SNX29: variants seen among roughly 807,000 people sequenced by gnomAD.
The protein encoded by SNX29 is sorting nexin 29, also known as sorting nexin-29.
In SNX29, 78 loss-of-function variants were observed where a neutral mutation model predicts 102.1. That is an observed-to-expected ratio of 0.76 (90% CI 0.64 to 0.92). The LOEUF (loss-of-function observed/expected upper bound fraction) is 0.92. Among genes scored for constraint, SNX29 ranks in the 40% least tolerant of loss-of-function variants. The pLI, the probability that SNX29 is intolerant of heterozygous loss-of-function variation, is 0.00. For synonymous variants in SNX29, 580 were observed against 414.5 expected (o/e 1.40, Z -4.85); for missense variants, 1,280 against 1,061.7 (o/e 1.21, Z -2.86).
chr16:12,507,752 G>C (rs2089441411), intron 19 of SNX29, among the ~76,000 whole-genome samples: 1 of 152,140 alleles, frequency 6.6e-6, no homozygotes, highest in Non-Finnish European at 1.5e-5. Context: ...CTCTGAAGTA[G>C]AACGTTAAAA....
chr16:12,499,264 G>A (rs2088987343), intron 19 of SNX29, among the ~76,000 whole-genome samples: 1 of 152,180 alleles, frequency 6.6e-6, no homozygotes, highest in African/African-American at 2.4e-5. Flanking sequence ...CATTGTTTTG[G>A]AGACTTTTGC....
In SNX29 at chr16:12,570,384, T is replaced by C; in HGVS notation, c.*1755T>C. On this transcript the variant is annotated 3_prime_UTR_variant, in exon 21 of 21. Transcript: ENST00000566228. ...TGCAATACACATGGTTTATCTGAAATTCCAAGGCCAGAGTGCACATCAGCT... is the reference window on the plus strand; with the variant it reads ...TGCAATACACATGGTTTATCTGAAACTCCAAGGCCAGAGTGCACATCAGCT... 2.5e-6 allele frequency: 1 copy of C among 399,916 alleles called. No individual in the cohort carries two copies. The highest frequency in any genetic ancestry group is 3.7e-6 in the Non-Finnish European group (1 of 270,480). The allele number at this position is 399,916 out of a possible 1,614,324, so 24.8% of individuals were successfully genotyped here.
intron 15 of SNX29, among the ~76,000 whole-genome samples, chr16:12,328,617 T>C (rs2081195277): frequency 6.6e-6 from 1 of 152,182 alleles, no homozygotes; most frequent in Non-Finnish European, 1.5e-5. Flanking sequence ...CTCGGTCAGC[T>C]CCACTGTCTT....
chr16:12,131,515 T>C (rs984741869), intron 13 of SNX29, among the ~76,000 whole-genome samples: 1 of 152,196 alleles, frequency 6.6e-6, no homozygotes, highest in Non-Finnish European at 1.5e-5. Flanking sequence ...CATTTTTATG[T>C]ACCTGGATGT....
At chr16:12,094,194 T>A (rs2052676063) in intron 11 of SNX29, among the ~76,000 whole-genome samples, 1 of 152,152 alleles carries the variant, frequency 6.6e-6, no homozygotes, top group African/African-American at 2.4e-5. Context: ...AGATGGAAGA[T>A]ACTCAGAAGA....
chr16:12,358,984 T>TAGA (rs2082224718), intron 16 of SNX29, among the ~76,000 whole-genome samples: 1 of 152,246 alleles, frequency 6.6e-6, no homozygotes, highest in South Asian at 2.1e-4. Context: ...TGTGTTTCTC[T>TAGA]GAGTTCTGTG....
At chr16:11,999,174 C>T (rs1017357658) in intron 1 of SNX29, 123 bp from the exon 2 acceptor site, 4 of 792,930 alleles carry the variant, frequency 5.0e-6, no homozygotes, top group Non-Finnish European at 8.1e-6. Context: ...TGTAATGATA[C>T]AGATTATTGA....
At chr16:12,202,885 G>A (rs1462077992) in intron 14 of SNX29, among the ~76,000 whole-genome samples, 1 of 152,262 alleles carries the variant, frequency 6.6e-6, no homozygotes, top group Non-Finnish European at 1.5e-5. Flanking sequence ...GGGTTGTGTG[G>A]ACAAGACTGG....
rs2076734099 is a variant in SNX29 at position 12,524,818 on chromosome 16, C to A, written c.2295C>A (p.Leu765=). ...EFAASPKKET[L]IQLMPFFVDI... ...CTGCCAGCCCCAAGAAGGAGACCCT[C>A]ATCCAGCTGATGCCCTTCTTCGTGT... The change falls in exon 20 of 21, where the codon CTC becomes CTA. Residue 765 remains leucine, a synonymous_variant. Transcript: ENST00000566228. 1.2e-6 allele frequency: 2 copies of A among 1,613,602 alleles called. No individual in the cohort carries two copies. The highest frequency in any genetic ancestry group is 1.7e-5 in the Admixed American group (1 of 59,960).
intron 15 of SNX29, among the ~76,000 whole-genome samples, chr16:12,293,884 C>T (rs974739522): frequency 1.7e-4 from 26 of 152,196 alleles, no homozygotes; most frequent in African/African-American, 6.3e-4. Flanking sequence ...AGGCATATTC[C>T]TAAGCACTTT....
chr16:12,005,122 T>C (rs536126487), intron 3 of SNX29, among the ~76,000 whole-genome samples: 2 of 152,328 alleles, frequency 1.3e-5, no homozygotes, highest in Admixed American at 6.5e-5. Flanking sequence ...TTTTTAAAAT[T>C]TTACTTCTCA....
At chr16:12,567,598 T>C (rs1376736522) in intron 20 of SNX29, among the ~76,000 whole-genome samples, 1 of 151,900 alleles carries the variant, frequency 6.6e-6, no homozygotes, top group Non-Finnish European at 1.5e-5. Context: ...CAAGACCCCA[T>C]CTCTACAAAA....
chr16:12,142,957 G>A (rs2054917590), intron 13 of SNX29, among the ~76,000 whole-genome samples: 3 of 151,884 alleles, frequency 2.0e-5, no homozygotes, highest in Non-Finnish European at 4.4e-5. Context: ...ATTCTGTCCT[G>A]TGGGTGCTAG....
rs548316969 is a variant in SNX29, at chr16:12,221,840, G to C, written c.1678+22157G>C. On this transcript the variant is annotated intron_variant, in intron 14 of 20. Coordinates refer to ENST00000566228, the MANE Select transcript of SNX29 (RefSeq NM_032167.5). The stretch of plus-strand genomic sequence containing the variant: ...AAAATGCCCCAACTGCCTCTTCCCC[G>C]CATGATCCCGTGCTTCCTTGGGTGC... Among the ~76,000 whole-genome samples, 56 of 152,226 alleles carry C rather than the reference G, an allele frequency of 3.7e-4. 2 individuals are homozygous for C. The South Asian group carries it at 0.012, about 32-fold the overall frequency.
chr16:12,305,756 A>G (rs1334116153), intron 15 of SNX29, among the ~76,000 whole-genome samples: 1 of 152,134 alleles, frequency 6.6e-6, no homozygotes, highest in Non-Finnish European at 1.5e-5. Flanking sequence ...TCCTAATTAC[A>G]ATTTTTAATT....
At chr16:12,524,614 C>T (rs922716377) in intron 19 of SNX29, 88 bp from the exon 20 acceptor site, 6 of 1,465,106 alleles carry the variant, frequency 4.1e-6, no homozygotes, top group South Asian at 1.4e-5. Context: ...GCCTGGATGG[C>T]GCTGATGGGT....
chr16:12,319,441 C>T (rs1433342387), intron 15 of SNX29, among the ~76,000 whole-genome samples: 1 of 152,134 alleles, frequency 6.6e-6, no homozygotes. Context: ...CTATAATGAG[C>T]TATGATCACC....
chr16:12,113,422 C>T (rs907491422), intron 11 of SNX29, among the ~76,000 whole-genome samples: 1 of 152,148 alleles, frequency 6.6e-6, no homozygotes, highest in Admixed American at 6.5e-5. Context: ...GGTTATTTCT[C>T]AAAGTGTCAG....
At chr16:12,123,170 T>G (rs189866329) in intron 11 of SNX29, among the ~76,000 whole-genome samples, 170 of 152,296 alleles carry the variant, frequency 1.1e-3, no homozygotes, top group Admixed American at 1.8e-3. Flanking sequence ...TTGTATGTAT[T>G]CAGGGCATAC....
Sources: gnomAD v4.1 joint callset for allele counts (sites outside exome capture counted in the v4.1 genomes callset) on GRCh38, gnomAD v4.1.1 for gene constraint, MANE v1.5 for transcripts, NCBI Gene and HGNC (gene_info 2026-07-23, HGNC 2026-07-21) for gene names.